GPC3: variants seen among roughly 807,000 people sequenced by gnomAD.
GPC3 encodes glypican 3.
Under a neutral mutation model 34.4 loss-of-function variants are expected in GPC3, and 3 were observed. The observed-to-expected ratio is 0.09, with a 90% CI of 0.04 to 0.23. The LOEUF (loss-of-function observed/expected upper bound fraction) is 0.23, where lower values mean the gene tolerates loss of function less well. GPC3 is among the 10% of genes least tolerant of loss of function. The pLI, the probability that GPC3 is intolerant of heterozygous loss-of-function variation, is 1.00. For synonymous variants in GPC3, 177 were observed against 174.0 expected, an observed-to-expected ratio of 1.02 and a Z score of -0.13; for missense variants, 351 against 445.6, an observed-to-expected ratio of 0.79 and a Z score of 1.91.
chrX:133,790,213 C>T (rs1293549307), intron 2 of GPC3, among the ~76,000 whole-genome samples: 1 of 110,848 alleles, frequency 9.0e-6, no homozygotes, highest in Admixed American at 9.6e-5. Flanking sequence ...GAATGAGAAA[C>T]AATTTGAAGG....
intron 2 of GPC3, among the ~76,000 whole-genome samples, chrX:133,860,244 A>C (rs2075929610): frequency 8.9e-6 from 1 of 111,807 alleles, no homozygotes; most frequent in African/African-American, 3.3e-5. Flanking sequence ...TTAAATCCTC[A>C]TAACAACCCT....
Position 133,596,446 on chromosome X carries a change from G to A in GPC3, c.1567C>T (p.Leu523Phe). The change falls in exon 7 of 8, where the codon CTT (leucine) becomes TTT (phenylalanine). Residue 523 changes from leucine (L) to phenylalanine (F), a missense_variant. Leu to Phe is a conservative substitution (Grantham distance 22). Coordinates refer to ENST00000370818, the MANE Select transcript of GPC3 (RefSeq NM_004484.4). ...MIKVKNQLRF[L>F]AELAYDLDVD... Reference sequence around the variant, plus strand: ...GTCAGCACTAATCAGTTACCTGCAAGGAAGCGGAGCTGATTCTTCACTTTT... The same window carrying A: ...GTCAGCACTAATCAGTTACCTGCAAAGAAGCGGAGCTGATTCTTCACTTTT... 1 of 1,207,831 alleles carries A rather than the reference G, an allele frequency of 8.3e-7. No homozygotes were observed. The highest frequency in any genetic ancestry group is 1.1e-6 in the Non-Finnish European group (1 of 891,947).
intron 3 of GPC3, among the ~76,000 whole-genome samples, chrX:133,743,307 C>T (rs1456057899): frequency 2.7e-5 from 3 of 112,760 alleles, no homozygotes; most frequent in East Asian, 5.5e-4. Context: ...ATTAAAATTG[C>T]CACCTCCCTT....
intron 3 of GPC3, among the ~76,000 whole-genome samples, chrX:133,712,510 G>A (rs1033309142): frequency 9.0e-6 from 1 of 111,321 alleles, no homozygotes; most frequent in East Asian, 2.8e-4. Context: ...AACGAAAAAC[G>A]CACTGAAACA....
chrX:133,576,429 G>A (rs1274875739), intron 7 of GPC3, among the ~76,000 whole-genome samples: 1 of 110,525 alleles, frequency 9.0e-6, no homozygotes, highest in African/African-American at 3.3e-5. Context: ...TAGCAGAGAC[G>A]GGGTTTCACC....
chrX:133,954,438 G>A (rs767258883), intron 1 of GPC3, among the ~76,000 whole-genome samples: 158 of 106,217 alleles, frequency 1.5e-3, no homozygotes, highest in Middle Eastern at 6.0e-3. Context: ...GCAGTGGCGC[G>A]ATCTCAGCTC....
chrX:133,612,607 A>G (rs2070122882), intron 6 of GPC3, among the ~76,000 whole-genome samples: 1 of 110,980 alleles, frequency 9.0e-6, no homozygotes, highest in African/African-American at 3.3e-5. Flanking sequence ...CTATTCACTC[A>G]TCTAACTGGG....
chrX:133,557,089 C>T (rs934309288), intron 7 of GPC3, among the ~76,000 whole-genome samples: 2 of 108,426 alleles, frequency 1.8e-5, no homozygotes, highest in African/African-American at 3.4e-5. Context: ...GTCAGGAGAT[C>T]GAGACCATCC....
chrX:133,574,004 C>T (rs1448099489), intron 7 of GPC3, among the ~76,000 whole-genome samples: 1 of 112,361 alleles, frequency 8.9e-6, no homozygotes, highest in South Asian at 3.7e-4. Flanking sequence ...CAATGAACTA[C>T]TGATACATAT....
chrX:133,802,914 C>CTTTTTTTT (rs751359373), intron 2 of GPC3, among the ~76,000 whole-genome samples: 1 of 68,553 alleles, frequency 1.5e-5, no homozygotes, highest in Non-Finnish European at 2.7e-5. Context: ...GGAAGGTATT[C>CTTTTTTTT]TTTTTTTTTT....
intron 1 of GPC3, among the ~76,000 whole-genome samples, chrX:133,971,691 G>C (rs763368730): frequency 9.0e-6 from 1 of 110,990 alleles, no homozygotes; most frequent in South Asian, 3.9e-4. Flanking sequence ...TAGGAGGAAG[G>C]GGAGAAAGGA....
chrX:133,901,566 G>A lies in GPC3; in HGVS notation c.337+51484C>T, dbSNP rs1373770119. ...AGCGATTCTCCTGCCTTAGCCTCCC[G>A]AGTAGCTGGGACTACAGGCCCGCAC... On this transcript the variant is annotated intron_variant, in intron 2 of 7. Coordinates refer to ENST00000370818, the MANE Select transcript of GPC3 (RefSeq NM_004484.4). 2.7e-5 allele frequency among the ~76,000 whole-genome samples: 3 copies of A among 110,596 alleles called. No homozygotes were observed. In the East Asian group the frequency reaches 8.5e-4, roughly 31 times the overall value.
chrX:133,690,007 TA>T (rs771374494), intron 5 of GPC3, among the ~76,000 whole-genome samples: 11 of 110,671 alleles, frequency 9.9e-5, no homozygotes, highest in Admixed American at 6.7e-4. Flanking sequence ...TTCTGAAAAT[TA>T]AAAAAAAATG....
intron 4 of GPC3, among the ~76,000 whole-genome samples, chrX:133,697,122 C>T (rs2071125626): frequency 8.9e-6 from 1 of 112,514 alleles, no homozygotes; most frequent in Admixed American, 9.4e-5. Flanking sequence ...CAAAGCAGCA[C>T]TAATTGGAAA....
rs1002815926 is a variant in GPC3, at chrX:133,808,747, T to A, written c.338-54571A>T. On this transcript the variant is annotated intron_variant, in intron 2 of 7. Coordinates refer to ENST00000370818, the MANE Select transcript of GPC3 (RefSeq NM_004484.4). ...TTAAAGTGCCCAGGACATGAGTATTTAAAAAAAAAAACAGAAAACAAACAA... is the reference window on the plus strand; with the variant it reads ...TTAAAGTGCCCAGGACATGAGTATTAAAAAAAAAAAACAGAAAACAAACAA... Among the ~76,000 whole-genome samples the A allele has an allele frequency of 5.8e-5, 6 of 104,195 alleles. No individual in the cohort carries two copies. In the South Asian group the frequency reaches 1.3e-3, roughly 22 times the overall value. 90.5% of individuals were successfully genotyped at this position (104,195 alleles called of 115,157 possible). A position where few individuals can be genotyped will look rare whatever the true frequency, so the allele number is the denominator to read the frequency against.
chrX:133,733,329 C>T (rs1231283986), intron 3 of GPC3, among the ~76,000 whole-genome samples: 2 of 110,873 alleles, frequency 1.8e-5, no homozygotes, highest in African/African-American at 6.6e-5. Context: ...AAGAAAACTA[C>T]ACATTAGGTA....
At chrX:133,922,578 G>A (rs1031073427) in intron 2 of GPC3, among the ~76,000 whole-genome samples, 2 of 111,084 alleles carry the variant, frequency 1.8e-5, no homozygotes, top group Non-Finnish European at 3.8e-5. Context: ...AGCAGCAGGA[G>A]TGGGTGCAGG....
intron 6 of GPC3, among the ~76,000 whole-genome samples, chrX:133,657,231 T>C (rs2070672168): frequency 8.9e-6 from 1 of 111,942 alleles, no homozygotes; most frequent in African/African-American, 3.2e-5. Context: ...TGTAGCAGTT[T>C]AGGGACTACT....
chrX:133,618,882 C>A (rs2070197460), intron 6 of GPC3, among the ~76,000 whole-genome samples: 2 of 110,336 alleles, frequency 1.8e-5, no homozygotes, highest in South Asian at 7.7e-4. Context: ...CAAAAGATAC[C>A]ATCAAAAAGT....
Sources: gnomAD v4.1 joint callset for allele counts (sites outside exome capture counted in the v4.1 genomes callset) on GRCh38, gnomAD v4.1.1 for gene constraint, MANE v1.5 for transcripts, NCBI Gene and HGNC (gene_info 2026-07-23, HGNC 2026-07-21) for gene names.